MAGI2: variants seen among roughly 807,000 people sequenced by gnomAD.
MAGI2 encodes membrane-associated guanylate kinase, WW and PDZ domain-containing protein 2.
MAGI2 carries 35 observed loss-of-function variants against 133.3 expected under a neutral mutation model. The ratio of observed to expected loss-of-function variants is 0.26; its 90% CI spans 0.20 to 0.35. MAGI2 has a LOEUF of 0.35. Among genes scored for constraint, MAGI2 ranks in the 10% least tolerant of loss-of-function variants. The pLI, the probability that MAGI2 is intolerant of heterozygous loss-of-function variation, is 1.00. For missense variants in MAGI2, 1,636 were observed against 1,863.4 expected (o/e 0.88, Z 2.25); for synonymous variants, 729 against 710.6 (o/e 1.03, Z -0.41).
At chr7:78,295,268 T>G (rs1221743020) in intron 9 of MAGI2, among the ~76,000 whole-genome samples, 1 of 152,228 alleles carries the variant, frequency 6.6e-6, no homozygotes, top group African/African-American at 2.4e-5. Context: ...TCTTTTCAGC[T>G]GCTTCCGCCT....
chr7:78,296,918 T>G (rs1797305332), intron 9 of MAGI2, among the ~76,000 whole-genome samples: 1 of 152,200 alleles, frequency 6.6e-6, no homozygotes, highest in Admixed American at 6.5e-5. Context: ...GAGTGCTTTT[T>G]TACACAGGGC....
chr7:79,393,995 GATCATCAACTCATC>G (rs1386422636), intron 1 of MAGI2, among the ~76,000 whole-genome samples: 1 of 152,102 alleles, frequency 6.6e-6, no homozygotes, highest in East Asian at 1.9e-4. Flanking sequence ...AAGAGTTAAT[GATCATCAACTCATC>G]AACATCAACT....
At chr7:78,375,384 C>G (rs867008710) in intron 6 of MAGI2, among the ~76,000 whole-genome samples, 1 of 151,944 alleles carries the variant, frequency 6.6e-6, no homozygotes, top group Non-Finnish European at 1.5e-5. Flanking sequence ...GGCCACAAAG[C>G]ATTGGTTATG....
chr7:78,211,543 G>A (rs1787768978), intron 10 of MAGI2, among the ~76,000 whole-genome samples: 1 of 152,152 alleles, frequency 6.6e-6, no homozygotes. Flanking sequence ...GCTCACAGAT[G>A]CATGACTGTG....
intron 16 of MAGI2, among the ~76,000 whole-genome samples, chr7:78,158,898 A>AACATCAC (rs1158204998): frequency 7.2e-5 from 11 of 152,074 alleles, no homozygotes; most frequent in African/African-American, 2.7e-4. Flanking sequence ...TGCTTGAGAT[A>AACATCAC]TTTTGCAGAC....
chr7:79,252,156 CAAA>C (rs1208897198), intron 1 of MAGI2, among the ~76,000 whole-genome samples: 78 of 102,562 alleles, frequency 7.6e-4, no homozygotes, highest in African/African-American at 2.9e-3. Context: ...GACCCTGTCT[CAAA>C]AAAAAAAAAA....
intron 6 of MAGI2, among the ~76,000 whole-genome samples, chr7:78,423,521 A>G (rs1798988680): frequency 6.6e-6 from 1 of 152,216 alleles, no homozygotes; most frequent in South Asian, 2.1e-4. Flanking sequence ...TGTGGAAGCA[A>G]CTTTGGAATT....
At chr7:79,085,849 C>T (rs571110978) in intron 1 of MAGI2, among the ~76,000 whole-genome samples, 3 of 151,852 alleles carry the variant, frequency 2.0e-5, no homozygotes, top group Admixed American at 2.0e-4. Context: ...CCATGAGGGC[C>T]TTTTTGTATA....
chr7:78,668,858 T>C (rs1008401247), intron 2 of MAGI2, among the ~76,000 whole-genome samples: 2 of 146,836 alleles, frequency 1.4e-5, no homozygotes, highest in African/African-American at 2.5e-5. Flanking sequence ...AAATAAGATG[T>C]TCTTTGAAAC....
intron 2 of MAGI2, among the ~76,000 whole-genome samples, chr7:78,629,425 T>C (rs774628716): frequency 6.6e-6 from 1 of 152,194 alleles, no homozygotes; most frequent in Admixed American, 6.5e-5. Context: ...TTTCTAATTA[T>C]GATCTCTAGT....
chr7:79,287,788 T>A (rs1306240301), intron 1 of MAGI2, among the ~76,000 whole-genome samples: 2 of 152,156 alleles, frequency 1.3e-5, no homozygotes, highest in Non-Finnish European at 2.9e-5. Context: ...ACTATGCAAA[T>A]AACTAATAGA....
At position 79,405,545 on chromosome 7, in the gene MAGI2, A is replaced by G. The variant is rs73379187; in HGVS notation, c.301+47475T>C. Among the ~76,000 whole-genome samples the G allele has an allele frequency of 2.3e-3, 347 of 152,168 alleles. 1 individual carries two copies. The highest frequency in any genetic ancestry group is 8.0e-3 in the African/African-American group (332 of 41,510). On this transcript the variant is annotated intron_variant, in intron 1 of 21. Coordinates refer to ENST00000354212, the MANE Select transcript of MAGI2 (RefSeq NM_012301.4). Reference sequence around the variant, plus strand: ...AAAGTTCAAACAGTACCCTAACTCCACTGTTTACTCTACAGTCCATTGCAC... The same window carrying G: ...AAAGTTCAAACAGTACCCTAACTCCGCTGTTTACTCTACAGTCCATTGCAC...
At chr7:78,822,711 T>G (rs1199211020) in intron 2 of MAGI2, among the ~76,000 whole-genome samples, 1 of 152,208 alleles carries the variant, frequency 6.6e-6, no homozygotes, top group Non-Finnish European at 1.5e-5. Context: ...TGCCTGTTTT[T>G]TTTTAACAAG....
At chr7:78,995,406 A>T (rs1806194606) in intron 2 of MAGI2, among the ~76,000 whole-genome samples, 1 of 152,138 alleles carries the variant, frequency 6.6e-6, no homozygotes, top group African/African-American at 2.4e-5. Flanking sequence ...CTCCCATTAG[A>T]TATATTACAA....
intron 6 of MAGI2, among the ~76,000 whole-genome samples, chr7:78,418,071 T>C (rs1798460980): frequency 6.6e-6 from 1 of 152,144 alleles, no homozygotes; most frequent in African/African-American, 2.4e-5. Flanking sequence ...GGAGAATTGC[T>C]TGAGCCCAGG....
intron 2 of MAGI2, among the ~76,000 whole-genome samples, chr7:78,883,795 T>C (rs943643831): frequency 2.6e-5 from 4 of 152,148 alleles, no homozygotes; most frequent in African/African-American, 9.7e-5. Flanking sequence ...GATAACTGGC[T>C]AGACATAGGC....
intron 1 of MAGI2, among the ~76,000 whole-genome samples, chr7:79,204,503 C>T (rs544295259): frequency 1.3e-5 from 2 of 152,108 alleles, no homozygotes; most frequent in East Asian, 3.9e-4. Flanking sequence ...GACATAGTTG[C>T]TAAAATAAGT....
At chr7:78,195,098 C>T (rs1030556835) in intron 11 of MAGI2, 35 bp from the exon 12 acceptor site, 2 of 1,520,362 alleles carry the variant, frequency 1.3e-6, no homozygotes, top group Admixed American at 2.0e-5. Context: ...AAATGACTGA[C>T]AAATTCTTCC....
chr7:78,725,102 C>T (rs1820638546), intron 2 of MAGI2, among the ~76,000 whole-genome samples: 1 of 152,120 alleles, frequency 6.6e-6, no homozygotes, highest in Admixed American at 6.5e-5. Context: ...TTTTTAAGCC[C>T]TGCAGATAAA....
Sources: allele counts gnomAD v4.1 joint callset (sites outside exome capture counted in the v4.1 genomes callset), GRCh38; gene constraint gnomAD v4.1.1; transcripts MANE v1.5; gene names NCBI Gene and HGNC (gene_info 2026-07-23, HGNC 2026-07-21).